The following SYNE2 variants were observed in gnomAD, a reference collection of about 807,000 sequenced individuals.
SYNE2 encodes the protein spectrin repeat containing nuclear envelope protein 2.
SYNE2 carries 431 observed loss-of-function variants against 856.3 expected under a neutral mutation model. That is an observed-to-expected ratio of 0.50 (90% CI 0.47 to 0.55). The LOEUF (loss-of-function observed/expected upper bound fraction) is 0.55. Ranked by LOEUF, SYNE2 falls within the 20% of genes least tolerant of loss-of-function variation. The probability of loss-of-function intolerance (pLI) is 0.00; values close to 1 mark genes in which losing one functional copy is unlikely to be tolerated. For missense variants in SYNE2, 8,129 were observed against 8,023.2 expected (o/e 1.01, Z -0.50); for synonymous variants, 2,923 against 2,872.3 (o/e 1.02, Z -0.56).
intron 11 of SYNE2, among the ~76,000 whole-genome samples, chr14:63,970,945 G>T (rs554438077): frequency 6.6e-6 from 1 of 151,940 alleles, no homozygotes; most frequent in South Asian, 2.1e-4. Context: ...GAGCCACTGT[G>T]CCTGGCCCCC....
intron 61 of SYNE2, among the ~76,000 whole-genome samples, chr14:64,094,365 A>AT (rs1491408132): frequency 1.3e-5 from 2 of 152,060 alleles, no homozygotes; most frequent in African/African-American, 4.8e-5. Context: ...AAATAAAAAA[A>AT]CAGTGTCCTG....
chr14:63,816,307 A>G (rs1396473534), intron 1 of SYNE2, among the ~76,000 whole-genome samples: 2 of 152,168 alleles, frequency 1.3e-5, no homozygotes, highest in Non-Finnish European at 2.9e-5. Context: ...TGCCACATTC[A>G]AATGGACAGA....
intron 1 of SYNE2, among the ~76,000 whole-genome samples, chr14:63,899,086 A>T (rs1309413256): frequency 6.6e-6 from 1 of 152,164 alleles, no homozygotes; most frequent in Non-Finnish European, 1.5e-5. Flanking sequence ...ATAAAGTTTG[A>T]TGACTGTAGG....
chr14:64,054,565 G>T (rs1185465374), intron 48 of SYNE2, among the ~76,000 whole-genome samples: 1 of 152,124 alleles, frequency 6.6e-6, no homozygotes, highest in Non-Finnish European at 1.5e-5. Context: ...CGCAGTGCCT[G>T]TTTTTTATAA....
In SYNE2 at chr14:64,052,884, A is replaced by G. The variant is rs1567164150; in HGVS notation, c.8971A>G (p.Ile2991Val). The change falls in exon 48 of 116, where the codon ATT becomes GTT. Residue 2991 changes from isoleucine to valine, a missense_variant. Ile to Val is a conservative substitution (Grantham distance 29). Transcript: ENST00000555002. ...TAATCTTAAAGACAGACTCACCGCT[A>G]TTAAGTGTTGCATCTTACAGGTATT... ...IYNLKDRLTA[I>V]KCCILQVLKL... 3 of 1,613,872 alleles carry G rather than the reference A, an allele frequency of 1.9e-6. No individual in the cohort carries two copies. The highest frequency in any genetic ancestry group is 2.2e-5 in the East Asian group (1 of 44,868).
In SYNE2 at chr14:64,052,950, G is replaced by A. The variant is rs781187796; in HGVS notation, c.9037G>A (p.Asp3013Asn). The stretch of plus-strand genomic sequence containing the variant: ...GTTTGACTATATTGGACTAAACTGG[G>A]ATTTTTCACAACTTGACCAATTACA... The part of the protein sequence containing the change: ...KVFDYIGLNW[D>N]FSQLDQLQTQ... Residue 3013 changes from aspartate (D) to asparagine (N), a missense_variant, in exon 48 of 116, where the codon GAT becomes AAT. Coordinates refer to ENST00000555002, the MANE Select transcript of SYNE2 (RefSeq NM_182914.3). 1.2e-6 allele frequency: 2 copies of A among 1,610,588 alleles called. No individual in the cohort carries two copies. The highest frequency in any genetic ancestry group is 2.2e-5 in the East Asian group (1 of 44,860).
intron 61 of SYNE2, 76 bp downstream of exon 61, chr14:64,093,556 G>A: frequency 1.9e-6 from 3 of 1,554,710 alleles, no homozygotes; most frequent in Admixed American, 1.7e-5. Flanking sequence ...TAAGCCTTTG[G>A]TGTCTAGGAG....
At chr14:64,032,163 G>T (rs2097043694) in intron 45 of SYNE2, among the ~76,000 whole-genome samples, 1 of 152,198 alleles carries the variant, frequency 6.6e-6, no homozygotes, top group South Asian at 2.1e-4. Context: ...ATGCATGGAA[G>T]ATTAAAGGAA....
chr14:63,852,590 C>G (rs1890633139), upstream of SYNE2, among the ~76,000 whole-genome samples: 1 of 152,152 alleles, frequency 6.6e-6, no homozygotes, highest in African/African-American at 2.4e-5. Context: ...AAAGAGCCCG[C>G]GGGGTGAAAT....
At chr14:64,137,679 A>T in intron 78 of SYNE2, 108 bp from the exon 79 acceptor site, 1 of 1,121,902 alleles carries the variant, frequency 8.9e-7, no homozygotes, top group Non-Finnish European at 1.3e-6. Flanking sequence ...GGAAAGTGTT[A>T]CTGTTTTATC....
At chr14:63,982,103 C>T (rs1199876412) in intron 16 of SYNE2, among the ~76,000 whole-genome samples, 1 of 152,170 alleles carries the variant, frequency 6.6e-6, no homozygotes, top group African/African-American at 2.4e-5. Flanking sequence ...GAAGGAGACA[C>T]AACAACATCC....
intron 84 of SYNE2, among the ~76,000 whole-genome samples, chr14:64,147,785 A>G (rs549050547): frequency 3.9e-5 from 6 of 152,308 alleles, no homozygotes; most frequent in Admixed American, 1.3e-4. Flanking sequence ...CATTATTTCT[A>G]TGGCCAACAT....
At position 63,949,827 on chromosome 14, in the gene SYNE2, T is replaced by A. The variant is rs776354349; in HGVS notation, c.411T>A (p.Ile137=). 1 of 1,614,126 alleles carries A rather than the reference T, an allele frequency of 6.2e-7. No individual in the cohort carries two copies. The highest frequency in any genetic ancestry group is 8.5e-7 in the Non-Finnish European group (1 of 1,179,980). The change falls in exon 7 of 116, where the codon ATT becomes ATA. Residue 137 remains isoleucine, a splice_region_variant and synonymous_variant. Transcript: ENST00000555002. ...TAAGTCTACTTTGCCTTCCTTAGAT[T>A]GAGAAGCTTGCCCAGACTCTTTCTT... ...LIWTIILHFH[I]EKLAQTLSCN...
At chr14:63,797,085 AAAAAAAAAAGAAAAG>A (rs1887945332) in intron 1 of SYNE2, among the ~76,000 whole-genome samples, 1 of 150,844 alleles carries the variant, frequency 6.6e-6, no homozygotes, top group African/African-American at 2.4e-5. Context: ...TCTCAAAAAA[AAAAAAAAAAGAAAAG>A]AAAAGAAAAG....
intron 19 of SYNE2, among the ~76,000 whole-genome samples, chr14:63,987,687 A>G (rs2096636700): frequency 6.6e-6 from 1 of 152,000 alleles, no homozygotes; most frequent in Non-Finnish European, 1.5e-5. Context: ...TGCTTTTCTG[A>G]TTTTATTTTT....
At chr14:63,827,437 C>T (rs1889477735) in intron 1 of SYNE2, among the ~76,000 whole-genome samples, 1 of 151,394 alleles carries the variant, frequency 6.6e-6, no homozygotes, top group Non-Finnish European at 1.5e-5. Flanking sequence ...CCAGCCTAAC[C>T]AACACAGAGA....
intron 101 of SYNE2, chr14:64,209,226 T>C (rs1362953594): frequency 2.1e-6 from 2 of 947,718 alleles, no homozygotes; most frequent in Non-Finnish European, 3.1e-6. Flanking sequence ...CCTGGTTTTT[T>C]AACCTCTGTG....
chr14:64,030,715 T>C (rs566205535), intron 44 of SYNE2, among the ~76,000 whole-genome samples: 1 of 152,346 alleles, frequency 6.6e-6, no homozygotes, highest in East Asian at 1.9e-4. Flanking sequence ...AGTGTTTTGA[T>C]TGTGTGACAA....
At chr14:64,133,141 C>G (rs908268145) in intron 77 of SYNE2, among the ~76,000 whole-genome samples, 5 of 151,650 alleles carry the variant, frequency 3.3e-5, no homozygotes, top group African/African-American at 4.8e-5. Flanking sequence ...GGGAGGCAGA[C>G]CTTGCAGTGA....
Sources: allele counts gnomAD v4.1 joint callset (sites outside exome capture counted in the v4.1 genomes callset), GRCh38; gene constraint gnomAD v4.1.1; transcripts MANE v1.5; gene names NCBI Gene and HGNC (gene_info 2026-07-23, HGNC 2026-07-21).